The following LRRC4C variants were observed in gnomAD, a reference collection of about 807,000 sequenced individuals.
The protein encoded by LRRC4C is leucine-rich repeat-containing protein 4C.
A neutral mutation model predicts 33.6 loss-of-function variants in LRRC4C; 5 were observed. The ratio of observed to expected loss-of-function variants is 0.15; its 90% CI spans 0.08 to 0.31. The LOEUF (loss-of-function observed/expected upper bound fraction) is 0.31. Among genes scored for constraint, LRRC4C ranks in the 10% least tolerant of loss-of-function variants. The pLI is 1.00. For synonymous variants in LRRC4C, 329 were observed against 302.0 expected (o/e 1.09, Z -0.93); for missense variants, 560 against 796.7 (o/e 0.70, Z 3.58).
At chr11:40,978,624 G>GTTT (rs80021460) in intron 1 of LRRC4C, among the ~76,000 whole-genome samples, 5 of 138,252 alleles carry the variant, frequency 3.6e-5, no homozygotes, top group African/African-American at 1.1e-4. Context: ...TCTTTTTACT[G>GTTT]TTTTTTTTTT....
chr11:40,458,229 T>A (rs536951381), intron 3 of LRRC4C, among the ~76,000 whole-genome samples: 1 of 152,238 alleles, frequency 6.6e-6, no homozygotes, highest in Non-Finnish European at 1.5e-5. Context: ...TGTGTGTGTG[T>A]CTGTGTGCGT....
intron 5 of LRRC4C, among the ~76,000 whole-genome samples, chr11:40,150,829 T>A (rs1163109058): frequency 6.6e-6 from 1 of 152,132 alleles, no homozygotes; most frequent in Non-Finnish European, 1.5e-5. Flanking sequence ...GAGAGATGGT[T>A]TGATCTTTGG....
At chr11:40,366,159 A>G (rs956356990) in intron 3 of LRRC4C, among the ~76,000 whole-genome samples, 2 of 152,072 alleles carry the variant, frequency 1.3e-5, no homozygotes, top group African/African-American at 4.8e-5. Flanking sequence ...AAACTGCTGT[A>G]TGTGTCTATG....
At chr11:41,078,980 A>C (rs749787702) in intron 1 of LRRC4C, among the ~76,000 whole-genome samples, 2 of 152,108 alleles carry the variant, frequency 1.3e-5, no homozygotes, top group African/African-American at 2.4e-5. Flanking sequence ...TCTCCCACAG[A>C]ATTTTCTGTT....
chr11:40,205,840 T>A (rs192019128), intron 5 of LRRC4C, among the ~76,000 whole-genome samples: 13 of 152,324 alleles, frequency 8.5e-5, no homozygotes, highest in African/African-American at 2.6e-4. Flanking sequence ...GCCCGCTTGG[T>A]TCTCACTGAA....
intron 2 of LRRC4C, among the ~76,000 whole-genome samples, chr11:40,905,900 GTC>G (rs1171756838): frequency 1.3e-5 from 2 of 152,318 alleles, no homozygotes; most frequent in African/African-American, 4.8e-5. Flanking sequence ...AGAAGATTGA[GTC>G]TAATTTTGCA....
In LRRC4C at chr11:40,532,088, G is replaced by A. The variant is rs139415002; in HGVS notation, c.-270+116054C>T. Among the ~76,000 whole-genome samples, 1,099 of 150,036 alleles carry A rather than the reference G, an allele frequency of 7.3e-3. 8 individuals carry two copies. The highest frequency in any genetic ancestry group is 0.022 in the African/African-American group (881 of 40,700). On this transcript the variant is annotated intron_variant, in intron 3 of 6. Transcript: ENST00000528697. Reference sequence around the variant, plus strand: ...TCATAAACTAGAAACCATTGCACTCGTAGTTTCTAGATAAATAACCTGAAG... The same window carrying A: ...TCATAAACTAGAAACCATTGCACTCATAGTTTCTAGATAAATAACCTGAAG...
At chr11:41,177,066 C>A (rs912754873) in intron 1 of LRRC4C, among the ~76,000 whole-genome samples, 1 of 152,064 alleles carries the variant, frequency 6.6e-6, no homozygotes. Context: ...ACCAACTGAT[C>A]CAGGACCTGA....
At chr11:40,286,772 C>G (rs934939211) in intron 4 of LRRC4C, among the ~76,000 whole-genome samples, 14 of 152,188 alleles carry the variant, frequency 9.2e-5, no homozygotes, top group African/African-American at 3.4e-4. Context: ...CGAGGATTAA[C>G]AAGGTTAATT....
intron 3 of LRRC4C, among the ~76,000 whole-genome samples, chr11:40,322,607 A>T (rs1041717976): frequency 1.3e-5 from 2 of 152,108 alleles, no homozygotes; most frequent in African/African-American, 4.8e-5. Flanking sequence ...AGACTCGGGG[A>T]GCATAGGTTG....
At chr11:40,243,585 G>A (rs1407588471) in intron 4 of LRRC4C, among the ~76,000 whole-genome samples, 3 of 150,670 alleles carry the variant, frequency 2.0e-5, no homozygotes, top group Non-Finnish European at 3.0e-5. Context: ...TTTGTGCTAG[G>A]TTTCCTATGT....
At chr11:40,381,631 G>A (rs1441011310) in intron 3 of LRRC4C, among the ~76,000 whole-genome samples, 1 of 151,980 alleles carries the variant, frequency 6.6e-6, no homozygotes, top group African/African-American at 2.4e-5. Context: ...TGCTGTATAC[G>A]GGGTAAGTTG....
At chr11:40,610,360 A>G (rs1197504093) in intron 3 of LRRC4C, among the ~76,000 whole-genome samples, 1 of 151,854 alleles carries the variant, frequency 6.6e-6, no homozygotes, top group Non-Finnish European at 1.5e-5. Flanking sequence ...GAATAGAATA[A>G]TATTACCTCA....
intron 1 of LRRC4C, among the ~76,000 whole-genome samples, chr11:41,071,591 T>C (rs905483559): frequency 6.6e-6 from 1 of 152,170 alleles, no homozygotes; most frequent in African/African-American, 2.4e-5. Flanking sequence ...AAAATGATTC[T>C]GGTTACCCAA....
At chr11:40,314,982 T>G (rs2136790559) in intron 4 of LRRC4C, among the ~76,000 whole-genome samples, 1 of 152,186 alleles carries the variant, frequency 6.6e-6, no homozygotes, top group African/African-American at 2.4e-5. Context: ...TCTTGTGCTG[T>G]ATATCACTAT....
At chr11:41,178,505 C>T (rs1461811187) in intron 1 of LRRC4C, among the ~76,000 whole-genome samples, 2 of 152,092 alleles carry the variant, frequency 1.3e-5, no homozygotes, top group Non-Finnish European at 2.9e-5. Context: ...AGGGGTGCAC[C>T]ACCAGGTCTG....
Position 40,417,507 on chromosome 11 carries a change from T to A in LRRC4C, c.-269-97786A>T, listed in dbSNP as rs536201696. 1.1e-3 allele frequency among the ~76,000 whole-genome samples: 170 copies of A among 150,170 alleles called. 1 individual carries two copies. Among genetic ancestry groups the A allele is most frequent in the African/African-American group, 4.0e-3 (163 of 41,012 alleles). On this transcript the variant is annotated intron_variant, in intron 3 of 6. Transcript: ENST00000528697. The stretch of plus-strand genomic sequence containing the variant: ...CCACCTTGCCCAGCTAATTTTTTAT[T>A]TTTTTTTTGTTTTTAGCAGAGACTA...
intron 3 of LRRC4C, among the ~76,000 whole-genome samples, chr11:40,597,764 T>A (rs1959508688): frequency 6.6e-6 from 1 of 152,200 alleles, no homozygotes; most frequent in African/African-American, 2.4e-5. Context: ...CCTTTTCCTC[T>A]TGCTGACTGC....
At chr11:41,266,817 G>C (rs1949166804) in intron 1 of LRRC4C, among the ~76,000 whole-genome samples, 1 of 152,070 alleles carries the variant, frequency 6.6e-6, no homozygotes, top group South Asian at 2.1e-4. Flanking sequence ...TTTTCTCTGT[G>C]CTTAATAATG....
Sources: allele counts gnomAD v4.1 joint callset (sites outside exome capture counted in the v4.1 genomes callset), GRCh38; gene constraint gnomAD v4.1.1; transcripts MANE v1.5; gene names NCBI Gene and HGNC (gene_info 2026-07-23, HGNC 2026-07-21).